Variants in NNMT observed in about 807,000 individuals in gnomAD.
NNMT encodes the protein nicotinamide N-methyltransferase.
Under a neutral mutation model 11.7 loss-of-function variants are expected in NNMT, and 10 were observed. That is an observed-to-expected ratio of 0.85 (90% CI 0.53 to 1.45). The LOEUF is 1.45. NNMT is among the 40% of genes most tolerant of loss of function. The probability of loss-of-function intolerance (pLI) is 0.00; values close to 1 mark genes in which losing one functional copy is unlikely to be tolerated. For missense variants in NNMT, 381 were observed against 319.4 expected, an observed-to-expected ratio of 1.19 and a Z score of -1.47; for synonymous variants, 143 against 133.8, an observed-to-expected ratio of 1.07 and a Z score of -0.48.
At chr11:114,263,474 TCG>T (rs1245426500) in intron 2 of NNMT, among the ~76,000 whole-genome samples, 1 of 152,168 alleles carries the variant, frequency 6.6e-6, no homozygotes, top group African/African-American at 2.4e-5. Flanking sequence ...GGAGCTTGCG[TCG>T]AGAGACAGCA....
At chr11:114,305,557 T>A (rs1277664342) in intron 2 of NNMT, among the ~76,000 whole-genome samples, 3 of 145,830 alleles carry the variant, frequency 2.1e-5, no homozygotes, top group Non-Finnish European at 4.5e-5. Flanking sequence ...ATCCAAGTGT[T>A]CTCATTGTTC....
intron 2 of NNMT, among the ~76,000 whole-genome samples, chr11:114,272,737 C>T (rs949690561): frequency 1.3e-5 from 2 of 152,166 alleles, no homozygotes; most frequent in African/African-American, 4.8e-5. Flanking sequence ...GGATGGCTTC[C>T]AGATTTGCTC....
At chr11:114,306,140 A>G in intron 2 of NNMT, among the ~76,000 whole-genome samples, 1 of 152,038 alleles carries the variant, frequency 6.6e-6, no homozygotes, top group Non-Finnish European at 1.5e-5. Context: ...GGCTGCATAA[A>G]TGTCTTCTTT....
chr11:114,259,784 A>G (rs529156587), intron 1 of NNMT, among the ~76,000 whole-genome samples: 24 of 152,330 alleles, frequency 1.6e-4, no homozygotes, highest in African/African-American at 5.5e-4. Context: ...TGATTGCTGT[A>G]CACTAAGCTT....
At chr11:114,266,820 A>C (rs758385085) in intron 2 of NNMT, among the ~76,000 whole-genome samples, 2 of 152,240 alleles carry the variant, frequency 1.3e-5, no homozygotes, top group Non-Finnish European at 2.9e-5. Context: ...TCACCATGTG[A>C]TGAGACGGCA....
chr11:114,312,266 T>C lies in NNMT; in HGVS notation c.584T>C (p.Ile195Thr), dbSNP rs1470851130. 2 of 1,614,072 alleles carry C rather than the reference T, an allele frequency of 1.2e-6. No homozygotes were observed. The highest frequency in any genetic ancestry group is 1.3e-5 in the African/African-American group (1 of 74,938). The change falls in exon 3 of 3, where the codon ATC (isoleucine) becomes ACC (threonine). Residue 195 changes from isoleucine (I) to threonine (T), a missense_variant. Coordinates refer to ENST00000299964, the MANE Select transcript of NNMT (RefSeq NM_006169.3). ...SLLKPGGFLVIMDALKSSYYM... is the reference protein window; with the variant it reads ...SLLKPGGFLVTMDALKSSYYM... ...CTGAAGCCAGGGGGCTTCCTGGTGA[T>C]CATGGATGCGCTCAAGAGCAGCTAC...
chr11:114,292,886 A>G (rs1390095257), upstream of NNMT, among the ~76,000 whole-genome samples: 1 of 152,202 alleles, frequency 6.6e-6, no homozygotes. Flanking sequence ...AAATTGACCC[A>G]TGAGTGGGAA....
chr11:114,299,314 T>G (rs1945415269), intron 2 of NNMT, among the ~76,000 whole-genome samples: 1 of 152,202 alleles, frequency 6.6e-6, no homozygotes, highest in Admixed American at 6.5e-5. Context: ...TTTTTTGAAA[T>G]TTTAATCAAA....
intron 2 of NNMT, among the ~76,000 whole-genome samples, chr11:114,267,556 C>T (rs980868495): frequency 2.6e-5 from 4 of 152,148 alleles, no homozygotes; most frequent in Non-Finnish European, 4.4e-5. Flanking sequence ...TAATGAATTA[C>T]ATATATTTCT....
At chr11:114,276,632 G>A (rs1407446626) in intron 2 of NNMT, among the ~76,000 whole-genome samples, 1 of 152,190 alleles carries the variant, frequency 6.6e-6, no homozygotes, top group African/African-American at 2.4e-5. Flanking sequence ...AATTAGACCA[G>A]AGAAATAAAG....
At chr11:114,277,148 G>A (rs550424391) in intron 2 of NNMT, among the ~76,000 whole-genome samples, 8 of 151,914 alleles carry the variant, frequency 5.3e-5, no homozygotes, top group Non-Finnish European at 7.4e-5. Context: ...TCTTGAACCC[G>A]GGAGGTGGAG....
chr11:114,279,400 A>C (rs1447053089), intron 2 of NNMT, among the ~76,000 whole-genome samples: 3 of 152,190 alleles, frequency 2.0e-5, no homozygotes, highest in Admixed American at 2.0e-4. Flanking sequence ...AGAAGACTTC[A>C]TGGAGGAAGC....
intron 1 of NNMT, among the ~76,000 whole-genome samples, chr11:114,259,350 G>GC: frequency 6.7e-6 from 1 of 150,214 alleles, no homozygotes; most frequent in South Asian, 2.1e-4. Flanking sequence ...GGCCCAGTGG[G>GC]GGGGGGGGAG....
rs1480358800 is a variant in NNMT, at chr11:114,296,581, GACACCTATC to G, written c.26_34del (p.Asp9_Leu12delinsVal). 6 of 1,613,948 alleles carry G rather than the reference GACACCTATC, an allele frequency of 3.7e-6. No individual in the cohort carries two copies. The highest frequency in any genetic ancestry group is 3.3e-5 in the Admixed American group (2 of 59,996). ...AATGGAATCAGGCTTCACCTCCAAGGACACCTATCTAAGCCATTTTAACCCTCGGGATTA... is the reference window on the plus strand; with the variant it reads ...AATGGAATCAGGCTTCACCTCCAAGGTAAGCCATTTTAACCCTCGGGATTA... On this transcript the variant is annotated inframe_deletion, in exon 1 of 3. Transcript: ENST00000299964.
intron 2 of NNMT, among the ~76,000 whole-genome samples, chr11:114,282,121 G>T (rs1359598325): frequency 3.9e-5 from 6 of 152,190 alleles, no homozygotes; most frequent in Admixed American, 3.9e-4. Context: ...CTACTCAGGA[G>T]CCTGAGATGG....
chr11:114,289,932 T>C (rs1945323203), intron 2 of NNMT, among the ~76,000 whole-genome samples: 1 of 152,180 alleles, frequency 6.6e-6, no homozygotes, highest in Non-Finnish European at 1.5e-5. Context: ...GCAGATTCAG[T>C]GTCTGGTGAG....
chr11:114,311,949 T>G, intron 2 of NNMT, 96 bp from the exon 3 acceptor site: 1 of 1,327,964 alleles, frequency 7.5e-7, no homozygotes, highest in Non-Finnish European at 1.0e-6. Flanking sequence ...AGGACACACA[T>G]CTGGGACAAT....
At chr11:114,258,262 CA>C (rs569260314) in intron 1 of NNMT, among the ~76,000 whole-genome samples, 234 of 152,352 alleles carry the variant, frequency 1.5e-3, no homozygotes, top group African/African-American at 5.6e-3. Flanking sequence ...GAGCTCCCCG[CA>C]TGCCCTGTAG....
intron 1 of NNMT, among the ~76,000 whole-genome samples, chr11:114,259,615 T>A (rs1945059750): frequency 6.6e-6 from 1 of 152,130 alleles, no homozygotes; most frequent in Non-Finnish European, 1.5e-5. Flanking sequence ...CCCGCCGCCA[T>A]CCCCACTTCC....
Sources: gnomAD v4.1 joint callset for allele counts (sites outside exome capture counted in the v4.1 genomes callset) on GRCh38, gnomAD v4.1.1 for gene constraint, MANE v1.5 for transcripts, NCBI Gene and HGNC (gene_info 2026-07-23, HGNC 2026-07-21) for gene names.